SLC7A8: variants seen among roughly 807,000 people sequenced by gnomAD.
The protein encoded by SLC7A8 is solute carrier family 7 member 8, also known as large neutral amino acids transporter small subunit 2.
Under a neutral mutation model 51.2 loss-of-function variants are expected in SLC7A8, and 30 were observed. The observed-to-expected ratio is 0.59, with a 90% confidence interval of 0.44 to 0.80. The LOEUF is 0.80. Ranked by LOEUF, SLC7A8 falls within the 30% of genes least tolerant of loss-of-function variation. SLC7A8 has a pLI of 0.00. For missense variants in SLC7A8, 612 were observed against 674.4 expected, an observed-to-expected ratio of 0.91 and a Z score of 1.03; for synonymous variants, 257 against 275.8, an observed-to-expected ratio of 0.93 and a Z score of 0.67.
chr14:23,132,192 CG>C (rs755481352), intron 7 of SLC7A8, among the ~76,000 whole-genome samples: 18 of 151,700 alleles, frequency 1.2e-4, no homozygotes, highest in South Asian at 4.2e-4. Context: ...TCAGTAGAGA[CG>C]GGGTTTCACC....
In SLC7A8 at chr14:23,129,645, C is replaced by G; in HGVS notation, c.1263+5G>C. 1 of 1,613,658 alleles carries G rather than the reference C, an allele frequency of 6.2e-7. No homozygotes were observed. The highest frequency in any genetic ancestry group is 8.5e-7 in the Non-Finnish European group (1 of 1,179,806). On this transcript the variant is annotated splice_donor_5th_base_variant and intron_variant, in intron 9 of 10. Coordinates refer to ENST00000316902, the MANE Select transcript of SLC7A8 (RefSeq NM_012244.4). ...GGAGGGGACCCCAAAGGGAGTTTCT[C>G]TCACCTTGATGGGGCGGGGGATATC...
chr14:23,137,818 G>A lies in SLC7A8; in HGVS notation c.1016+103C>T, dbSNP rs547076066. 8.4e-5 allele frequency: 119 copies of A among 1,422,596 alleles called. 1 individual carries two copies. The South Asian group carries it at 1.4e-3, about 17-fold the overall frequency. The allele number at this position is 1,422,596 out of a possible 1,614,324, so 88.1% of individuals were successfully genotyped here. Reference sequence around the variant, plus strand: ...CCCTCTGCAAGCCCAACATCCAGATGCCCACACAGACCCCTGCTGACAGAG... The same window carrying A: ...CCCTCTGCAAGCCCAACATCCAGATACCCACACAGACCCCTGCTGACAGAG... On this transcript the variant is annotated intron_variant, in intron 7 of 10. Coordinates refer to ENST00000316902, the MANE Select transcript of SLC7A8 (RefSeq NM_012244.4).
intron 7 of SLC7A8, among the ~76,000 whole-genome samples, chr14:23,136,602 G>A (rs904529918): frequency 1.3e-5 from 2 of 152,206 alleles, no homozygotes; most frequent in African/African-American, 4.8e-5. Flanking sequence ...AGAAGGAACT[G>A]GAAAGATGAG....
Position 23,183,027 on chromosome 14 carries a change from C to T in SLC7A8, c.-113G>A. ...GAACGTCCTTTTCCGAAATAGGAACCACTGCTACTCTCTAAAAAAGGCAAG... is the reference window on the plus strand; with the variant it reads ...GAACGTCCTTTTCCGAAATAGGAACTACTGCTACTCTCTAAAAAAGGCAAG... On this transcript the variant is annotated 5_prime_UTR_variant, in exon 1 of 11. Transcript: ENST00000316902. 1 of 1,284,242 alleles carries T rather than the reference C, an allele frequency of 7.8e-7. No individual in the cohort carries two copies. The highest frequency in any genetic ancestry group is 1.1e-6 in the Non-Finnish European group (1 of 917,438). The allele number at this position is 1,284,242 out of a possible 1,614,324, so 79.6% of individuals were successfully genotyped here.
At chr14:23,158,457 T>C (rs577012049) in intron 3 of SLC7A8, among the ~76,000 whole-genome samples, 9 of 152,278 alleles carry the variant, frequency 5.9e-5, no homozygotes, top group African/African-American at 2.2e-4. Flanking sequence ...GTGATTCTCC[T>C]ACCTCAGCCT....
At position 23,166,316 on chromosome 14, in the gene SLC7A8, G is replaced by A; in HGVS notation, c.356+20C>T. ...CCTCCTTTTCCCCTAGACCATTCAG[G>A]TCTCCACAGATCCTCTTACCCAGCC... is the stretch of plus-strand genomic sequence containing the variant. On this transcript the variant is annotated intron_variant, in intron 2 of 10. Transcript: ENST00000316902. 1 of 1,610,780 alleles carries A rather than the reference G, an allele frequency of 6.2e-7. No individual in the cohort carries two copies. Among genetic ancestry groups the A allele is most frequent in the Admixed American group, 1.7e-5 (1 of 59,992 alleles).
At chr14:23,151,161 C>G (rs1162469595) in intron 3 of SLC7A8, among the ~76,000 whole-genome samples, 1 of 152,198 alleles carries the variant, frequency 6.6e-6, no homozygotes, top group Non-Finnish European at 1.5e-5. Context: ...CGGAGACTGT[C>G]CACAGCCAGC....
intron 1 of SLC7A8, among the ~76,000 whole-genome samples, chr14:23,180,988 C>T (rs543261958): frequency 2.0e-5 from 3 of 152,202 alleles, no homozygotes; most frequent in Non-Finnish European, 4.4e-5. Context: ...GATCGCGCCA[C>T]TGCACTCCAG....
intron 7 of SLC7A8, among the ~76,000 whole-genome samples, chr14:23,131,901 T>A (rs1047338454): frequency 6.6e-6 from 1 of 152,084 alleles, no homozygotes; most frequent in Non-Finnish European, 1.5e-5. Context: ...TTGCCTAAAA[T>A]CTTCATCTCT....
intron 5 of SLC7A8, 39 bp from the exon 6 acceptor site, chr14:23,139,586 C>A: frequency 6.3e-7 from 1 of 1,593,762 alleles, no homozygotes; most frequent in South Asian, 1.1e-5. Context: ...GGCTGGCACC[C>A]GGGACACCCG....
intron 1 of SLC7A8, among the ~76,000 whole-genome samples, chr14:23,173,701 G>C (rs775408461): frequency 6.6e-6 from 1 of 151,944 alleles, no homozygotes; most frequent in Non-Finnish European, 1.5e-5. Context: ...AGGCTGGAGT[G>C]CACAATCACA....
intron 9 of SLC7A8, 22 bp downstream of exon 9, chr14:23,129,628 C>A (rs1178710188): frequency 1.9e-6 from 3 of 1,612,170 alleles, no homozygotes; most frequent in Non-Finnish European, 2.5e-6. Flanking sequence ...GGGGAGGGGA[C>A]CCCAAAGGGA....
intron 3 of SLC7A8, among the ~76,000 whole-genome samples, chr14:23,146,103 AG>A (rs1267607746): frequency 1.3e-5 from 2 of 152,210 alleles, no homozygotes; most frequent in Non-Finnish European, 2.9e-5. Context: ...CTAGGCCCCA[AG>A]GCATGCAAGG....
At chr14:23,137,886 G>GT in intron 7 of SLC7A8, 35 bp downstream of exon 7, 1 of 1,607,894 alleles carries the variant, frequency 6.2e-7, no homozygotes, top group Non-Finnish European at 8.5e-7. Flanking sequence ...CAGCAGAGTG[G>GT]CCCCTGGCCG....
chr14:23,145,709 A>G (rs1056242526), intron 3 of SLC7A8, among the ~76,000 whole-genome samples: 3 of 152,162 alleles, frequency 2.0e-5, no homozygotes, highest in African/African-American at 7.2e-5. Flanking sequence ...CTCAGTCTAC[A>G]CATTCCACAG....
intron 1 of SLC7A8, among the ~76,000 whole-genome samples, chr14:23,170,747 G>A (rs1407077759): frequency 6.6e-6 from 1 of 151,570 alleles, no homozygotes; most frequent in Non-Finnish European, 1.5e-5. Context: ...GCTTGGCTGT[G>A]GGTCTCACCA....
At chr14:23,137,525 T>C (rs2048701694) in intron 7 of SLC7A8, among the ~76,000 whole-genome samples, 1 of 152,046 alleles carries the variant, frequency 6.6e-6, no homozygotes, top group Non-Finnish European at 1.5e-5. Flanking sequence ...CCTTTCCAAA[T>C]GGGGTTCTTT....
intron 3 of SLC7A8, among the ~76,000 whole-genome samples, chr14:23,147,160 C>T (rs2072106762): frequency 6.6e-6 from 1 of 151,948 alleles, no homozygotes; most frequent in Non-Finnish European, 1.5e-5. Flanking sequence ...TCCATCCACC[C>T]ACCCATCTAT....
At chr14:23,170,604 G>C (rs568419165) in intron 1 of SLC7A8, among the ~76,000 whole-genome samples, 1 of 152,054 alleles carries the variant, frequency 6.6e-6, no homozygotes, top group East Asian at 1.9e-4. Context: ...GATTACAGGC[G>C]TGTGCCACCA....
Sources: gnomAD v4.1 joint callset for allele counts (sites outside exome capture counted in the v4.1 genomes callset) on GRCh38, gnomAD v4.1.1 for gene constraint, MANE v1.5 for transcripts, NCBI Gene and HGNC (gene_info 2026-07-23, HGNC 2026-07-21) for gene names.